Variants in TIAM1 observed in about 807,000 individuals in gnomAD.
TIAM1 encodes the protein rho guanine nucleotide exchange factor TIAM1.
Under a neutral mutation model 163.5 loss-of-function variants are expected in TIAM1, and 65 were observed. That is an observed-to-expected ratio of 0.40 (90% CI 0.33 to 0.49). The LOEUF (loss-of-function observed/expected upper bound fraction) is 0.49. Among genes scored for constraint, TIAM1 ranks in the 20% least tolerant of loss-of-function variants. The pLI is 0.77. For synonymous variants in TIAM1, 833 were observed against 810.1 expected, an observed-to-expected ratio of 1.03 and a Z score of -0.48; for missense variants, 1,789 against 2,044.7, an observed-to-expected ratio of 0.87 and a Z score of 2.41.
rs11356685 is a variant in TIAM1, at chr21:31,423,090, C to CTT, written c.-369+40891_-369+40892dup. On this transcript the variant is annotated intron_variant, in intron 2 of 28. Transcript: ENST00000286827. ...ATAAGAGAACTGTGAACAGCACTAT[C>CTT]TTTTTTTTTTTTTTTTTTTTTTTTT... Among the ~76,000 whole-genome samples the CTT allele has an allele frequency of 9.2e-4, 50 of 54,616 alleles. 1 individual carries two copies. The highest frequency in any genetic ancestry group is 2.0e-3 in the African/African-American group (24 of 11,992). 35.8% of individuals were successfully genotyped at this position (54,616 alleles called of 152,430 possible). A position where few individuals can be genotyped will look rare whatever the true frequency, so the allele number is the denominator to read the frequency against.
chr21:31,269,678 T>G (rs1166254973), intron 3 of TIAM1, among the ~76,000 whole-genome samples: 4 of 150,556 alleles, frequency 2.7e-5, no homozygotes, highest in African/African-American at 4.9e-5. Flanking sequence ...TTTGTTTTTT[T>G]TTTTTTTTTT....
At chr21:31,264,248 A>G (rs905042662) in intron 4 of TIAM1, among the ~76,000 whole-genome samples, 3 of 152,162 alleles carry the variant, frequency 2.0e-5, no homozygotes, top group Non-Finnish European at 2.9e-5. Context: ...ACAGTACCCA[A>G]TAATTCGTTT....
rs199573677 is a variant in TIAM1 at position 31,443,122 on chromosome 21, C to CT, written c.-369+20860dup. On this transcript the variant is annotated intron_variant, in intron 2 of 28. Coordinates refer to the TIAM1 transcript ENST00000286827. ...TGGACTGTGGAGTTTCATTTTACAA[C>CT]TTTAACTCTGAAAAAACAAAGGGAA... 8.8e-4 allele frequency among the ~76,000 whole-genome samples: 134 copies of CT among 152,276 alleles called. 2 individuals are homozygous for CT. In the East Asian group the frequency reaches 0.023, roughly 26 times the overall value.
chr21:31,364,043 T>C (rs1487677352), intron 2 of TIAM1, among the ~76,000 whole-genome samples: 1 of 152,254 alleles, frequency 6.6e-6, no homozygotes, highest in East Asian at 1.9e-4. Flanking sequence ...ACAGGCCTGC[T>C]GGTGTCACTT....
chr21:31,298,767 T>TGTGTGTGTGTGTGA (rs777256501), intron 2 of TIAM1, among the ~76,000 whole-genome samples: 15 of 125,954 alleles, frequency 1.2e-4, no homozygotes, highest in East Asian at 4.9e-4. Context: ...TGTGTGTGTG[T>TGTGTGTGTGTGTGA]GAGAAACAGA....
Position 31,154,379 on chromosome 21 carries a change from G to C in TIAM1, c.3039C>G (p.Asn1013Lys). Residue 1013 changes from asparagine to lysine, a missense_variant, in exon 17 of 28, where the codon AAC becomes AAG. Asn to Lys is a moderately conservative substitution (Grantham distance 94). Coordinates refer to ENST00000541036, the MANE Select transcript of TIAM1 (RefSeq NM_001353694.2). ...GAGGAGATGGGCTCTGGTCAGAGGGGTTCATCTCATGCAAACTGCGGCAAA... is the reference window on the plus strand; with the variant it reads ...GAGGAGATGGGCTCTGGTCAGAGGGCTTCATCTCATGCAAACTGCGGCAAA... ...AAFCRSLHEM[N>K]PSDQSPSPQD... is the part of the protein sequence containing the mutation. 6.2e-7 allele frequency: 1 copy of C among 1,614,096 alleles called. No homozygotes were observed. Among genetic ancestry groups the C allele is most frequent in the Non-Finnish European group, 8.5e-7 (1 of 1,180,010 alleles).
chr21:31,446,376 C>T (rs1215120727), intron 2 of TIAM1, among the ~76,000 whole-genome samples: 2 of 152,142 alleles, frequency 1.3e-5, no homozygotes, highest in African/African-American at 4.8e-5. Flanking sequence ...ACCCAAACAG[C>T]CATTCTAGGG....
chr21:31,164,883 T>C (rs2084129733), intron 16 of TIAM1, 79 bp downstream of exon 16: 16 of 1,432,636 alleles, frequency 1.1e-5, no homozygotes, highest in Non-Finnish European at 1.5e-5. Flanking sequence ...GGTAACCACA[T>C]ACAGCTGTGT....
chr21:31,182,471 C>T lies in TIAM1; in HGVS notation c.2837G>A (p.Gly946Asp), dbSNP rs745803253. ...LLESPPHRVD[G>D]PADLGESPLA... is the part of the protein sequence containing the mutation. ...GGGGCTCTCGCCAAGGTCGGCAGGG[C>T]CGTCCACTCGGTGGGGCGGGCTTTC... Residue 946 changes from glycine (G) to aspartate (D), a missense_variant, in exon 15 of 28, where the codon GGC becomes GAC. Gly to Asp is a moderately conservative substitution (Grantham distance 94). Coordinates refer to ENST00000541036, the MANE Select transcript of TIAM1 (RefSeq NM_001353694.2). 6.2e-7 allele frequency: 1 copy of T among 1,609,546 alleles called. No homozygotes were observed.
intron 15 of TIAM1, among the ~76,000 whole-genome samples, chr21:31,181,255 G>C (rs576842921): frequency 6.6e-6 from 1 of 152,116 alleles, no homozygotes; most frequent in African/African-American, 2.4e-5. Context: ...GTAAAGAGCC[G>C]GGAAGACAAA....
Position 31,130,942 on chromosome 21 carries a change from T to C in TIAM1, c.3890A>G (p.Lys1297Arg), listed in dbSNP as rs771788498. The stretch of plus-strand genomic sequence containing the variant: ...TTTATACACAAGGACCACAGCAGTT[T>C]TGAAGACTGGAAAAAATAAAATAAA... ...KEPELAAFVF[K>R]TAVVLVYKDG... is the part of the protein sequence containing the mutation. Residue 1297 changes from lysine (K) to arginine (R), a missense_variant, in exon 24 of 28, where the codon AAA (lysine) becomes AGA (arginine). Physicochemically the swap from Lys to Arg is conservative, Grantham distance 26 (BLOSUM62 2). Coordinates refer to ENST00000541036, the MANE Select transcript of TIAM1 (RefSeq NM_001353694.2). 1.3e-5 allele frequency: 21 copies of C among 1,613,762 alleles called. 2 individuals carry two copies. In the South Asian group the frequency reaches 2.3e-4, roughly 18 times the overall value.
At chr21:31,158,672 T>C (rs2083745690) in intron 16 of TIAM1, among the ~76,000 whole-genome samples, 1 of 152,028 alleles carries the variant, frequency 6.6e-6, no homozygotes, top group East Asian at 1.9e-4. Flanking sequence ...TTTATTAAAA[T>C]AACACCCCCC....
rs572807631 is a variant in TIAM1, at chr21:31,180,009, G to A, written c.2887+2412C>T. On this transcript the variant is annotated intron_variant, in intron 15 of 27. Coordinates refer to ENST00000541036, the MANE Select transcript of TIAM1 (RefSeq NM_001353694.2). Reference sequence around the variant, plus strand: ...CAACCTCTGCCTCCCGGGTTCAAGCGATTCTTTTGCCTCAGCCTCCCGAGT... The same window carrying A: ...CAACCTCTGCCTCCCGGGTTCAAGCAATTCTTTTGCCTCAGCCTCCCGAGT... Among the ~76,000 whole-genome samples the A allele has an allele frequency of 6.0e-5, 9 of 150,390 alleles. No homozygotes were observed. The East Asian group carries it at 9.8e-4, about 16-fold the overall frequency.
intron 1 of TIAM1, among the ~76,000 whole-genome samples, chr21:31,521,600 G>C (rs2047588974): frequency 6.6e-6 from 1 of 152,042 alleles, no homozygotes; most frequent in Non-Finnish European, 1.5e-5. Flanking sequence ...AGCCAGTAGT[G>C]GTGGTGTGCA....
chr21:31,223,280 G>A, intron 8 of TIAM1, 126 bp downstream of exon 8: 1 of 1,041,974 alleles, frequency 9.6e-7, no homozygotes, highest in Non-Finnish European at 1.4e-6. Context: ...ACTGCAAAGG[G>A]AGGGCATTTC....
chr21:31,175,735 A>T lies in TIAM1; in HGVS notation c.2887+6686T>A, dbSNP rs575059403. ...TGCCTCAGCCTCCCAAGCAGCTGGG[A>T]TTACAGGCGCCCGCCACCACGCCCA... On this transcript the variant is annotated intron_variant, in intron 15 of 27. Coordinates refer to ENST00000541036, the MANE Select transcript of TIAM1 (RefSeq NM_001353694.2). Among the ~76,000 whole-genome samples the T allele has an allele frequency of 4.2e-3, 643 of 152,104 alleles. 3 individuals are homozygous for T. Among genetic ancestry groups the T allele is most frequent in the Non-Finnish European group, 6.4e-3 (437 of 68,006 alleles).
At chr21:31,553,071 C>T (rs1042631097) in intron 1 of TIAM1, among the ~76,000 whole-genome samples, 1 of 152,162 alleles carries the variant, frequency 6.6e-6, no homozygotes, top group African/African-American at 2.4e-5. Flanking sequence ...CAGAACAGTA[C>T]TAGATAGAGT....
chr21:31,397,348 A>G (rs1265454633), intron 2 of TIAM1, among the ~76,000 whole-genome samples: 1 of 152,136 alleles, frequency 6.6e-6, no homozygotes, highest in African/African-American at 2.4e-5. Context: ...TCCTATACAG[A>G]TCTTTTTGCA....
intron 20 of TIAM1, among the ~76,000 whole-genome samples, chr21:31,142,027 G>A (rs1220700982): frequency 2.0e-5 from 3 of 151,960 alleles, no homozygotes. Flanking sequence ...TCTCGGCTTC[G>A]AGTGCACCAC....
Sources: allele counts gnomAD v4.1 joint callset (sites outside exome capture counted in the v4.1 genomes callset), GRCh38; gene constraint gnomAD v4.1.1; transcripts MANE v1.5; gene names NCBI Gene and HGNC (gene_info 2026-07-23, HGNC 2026-07-21).